Variants in GPRC5C observed in about 807,000 individuals in gnomAD.
GPRC5C encodes G protein-coupled receptor family C group 5 member C.
A neutral mutation model predicts 31.4 loss-of-function variants in GPRC5C; 22 were observed. The ratio of observed to expected loss-of-function variants is 0.70; its 90% confidence interval spans 0.50 to 1.00. The LOEUF is 1.00. Among genes scored for constraint, GPRC5C ranks in the 50% least tolerant of loss-of-function variants. The pLI is 0.00. For synonymous variants in GPRC5C, 249 were observed against 257.5 expected (o/e 0.97, Z 0.32); for missense variants, 557 against 597.2 (o/e 0.93, Z 0.70).
chr17:74,446,826 A>G, intron 3 of GPRC5C, 23 bp from the exon 4 acceptor site: 2 of 1,581,880 alleles, frequency 1.3e-6, no homozygotes, highest in Non-Finnish European at 1.7e-6. Context: ...CCCGACTGTG[A>G]GACCGCCTGT....
chr17:74,438,252 T>TATATATATATATATATATA (rs1250000838), intron 1 of GPRC5C, among the ~76,000 whole-genome samples: 1 of 107,686 alleles, frequency 9.3e-6, no homozygotes, highest in African/African-American at 5.3e-5. Flanking sequence ...TATATATATA[T>TATATATATATATATATATA]TTGTTGTTGT....
intron 1 of GPRC5C, among the ~76,000 whole-genome samples, chr17:74,432,710 G>A (rs1259584750): frequency 1.3e-5 from 2 of 152,020 alleles, no homozygotes; most frequent in East Asian, 1.9e-4. Context: ...GGAGCCCGGC[G>A]CTGCGGCTCG....
intron 1 of GPRC5C, among the ~76,000 whole-genome samples, chr17:74,437,435 A>C (rs1294688299): frequency 6.6e-6 from 1 of 152,326 alleles, no homozygotes; most frequent in East Asian, 1.9e-4. Flanking sequence ...TTAAGAGTTA[A>C]TCTTAAGCAA....
intron 1 of GPRC5C, among the ~76,000 whole-genome samples, chr17:74,436,919 T>C (rs1231206119): frequency 6.6e-6 from 1 of 152,112 alleles, no homozygotes; most frequent in Non-Finnish European, 1.5e-5. Flanking sequence ...CGCCTTCCCT[T>C]TTTTGTTGTT....
chr17:74,439,772 C>T lies in GPRC5C; in HGVS notation c.-5C>T, dbSNP rs2055496153. The T allele has an allele frequency of 1.2e-6, 2 of 1,609,022 alleles. No homozygotes were observed. The highest frequency in any genetic ancestry group is 3.4e-5 in the Admixed American group (2 of 59,654). ...ACCCAACCAGAGCCTGGCCTGGGAG[C>T]CAGGATGGCCATCCACAAAGCCTTG... On this transcript the variant is annotated 5_prime_UTR_variant, in exon 2 of 4. Coordinates refer to ENST00000392627, the MANE Select transcript of GPRC5C (RefSeq NM_022036.4).
intron 1 of GPRC5C, chr17:74,432,438 G>A (rs966615943): frequency 6.2e-6 from 7 of 1,121,660 alleles, no homozygotes; most frequent in Non-Finnish European, 7.6e-6. Context: ...CCCGCGCCGC[G>A]TCCCTCCCAC....
At chr17:74,444,614 G>A (rs1598433226) in intron 3 of GPRC5C, among the ~76,000 whole-genome samples, 1 of 152,248 alleles carries the variant, frequency 6.6e-6, no homozygotes, top group Non-Finnish European at 1.5e-5. Flanking sequence ...CCCCCTCCCC[G>A]CCCTCTCTGT....
Position 74,440,673 on chromosome 17 carries a change from G to A in GPRC5C, c.897G>A (p.Glu299=), listed in dbSNP as rs1344546732. The A allele has an allele frequency of 2.5e-6, 4 of 1,607,914 alleles. No homozygotes were observed. Among genetic ancestry groups the A allele is most frequent in the African/African-American group, 2.7e-5 (2 of 74,852 alleles). ...TCGTCCTCTTCTACGTCATCCCCGA[G>A]GTCTCCCAGGTGACCAAGTCCAGCC... ...WAFVLFYVIP[E]VSQVTKSSPE... Residue 299 remains glutamate (E), a synonymous_variant, in exon 2 of 4, where the codon GAG becomes GAA. Coordinates refer to ENST00000392627, the MANE Select transcript of GPRC5C (RefSeq NM_022036.4). The surrounding 1 kb of genome is among the most constrained non-coding windows in gnomAD (Gnocchi z 4.4).
chr17:74,449,464 C>T, downstream of GPRC5C: 1 of 772,224 alleles, frequency 1.3e-6, no homozygotes, highest in South Asian at 1.5e-5. Context: ...GTCATTGGAG[C>T]TGGGAGGGGC....
chr17:74,436,258 C>G (rs1444638791), intron 1 of GPRC5C, among the ~76,000 whole-genome samples: 1 of 152,182 alleles, frequency 6.6e-6, no homozygotes, highest in Non-Finnish European at 1.5e-5. Flanking sequence ...GGCTTTGATT[C>G]ACACCATCTT....
chr17:74,449,291 G>A (rs1338440799), downstream of GPRC5C: 9 of 1,177,526 alleles, frequency 7.6e-6, no homozygotes, highest in Admixed American at 6.9e-5. Flanking sequence ...TGGGCCCCAC[G>A]CAGTAGAGTC....
At position 74,438,395 on chromosome 17, in the gene GPRC5C, G is replaced by C. The variant is rs930579135; in HGVS notation, c.-32-1350G>C. On this transcript the variant is annotated intron_variant, in intron 1 of 3. Coordinates refer to ENST00000392627, the MANE Select transcript of GPRC5C (RefSeq NM_022036.4). ...CCTGCCTCAGCCTCCTGAATAGCTG[G>C]TATTATAGGCGTGCACCTCCACGCC... Among the ~76,000 whole-genome samples, 9 of 151,690 alleles carry C rather than the reference G, an allele frequency of 5.9e-5. 1 individual carries two copies. The South Asian group carries it at 1.9e-3, about 32-fold the overall frequency.
intron 1 of GPRC5C, among the ~76,000 whole-genome samples, chr17:74,438,122 TC>T (rs1317512946): frequency 6.8e-6 from 1 of 147,510 alleles, no homozygotes; most frequent in African/African-American, 2.5e-5. Flanking sequence ...GCAGCCTCGA[TC>T]CCCTGGGCTC....
At chr17:74,448,956 G>C, downstream of GPRC5C, 1 of 1,202,428 alleles carries the variant, frequency 8.3e-7, no homozygotes, top group Non-Finnish European at 1.1e-6. Context: ...CCATGTGGTT[G>C]AGACAGCAGG....
chr17:74,433,802 T>G, intron 1 of GPRC5C: 1 of 1,386,824 alleles, frequency 7.2e-7, no homozygotes, highest in Non-Finnish European at 1.0e-6. Context: ...TGGAGCTCTC[T>G]TTCCAGTGCG....
In GPRC5C at chr17:74,447,102, C is replaced by T. The variant is rs1210063558; in HGVS notation, c.*74C>T. On this transcript the variant is annotated 3_prime_UTR_variant, in exon 4 of 4. Coordinates refer to ENST00000392627, the MANE Select transcript of GPRC5C (RefSeq NM_022036.4). The stretch of plus-strand genomic sequence containing the variant: ...ACCTGGCCCCGGGCAAGGGACTCTC[C>T]AGGCTCCTCCTCCCCCTGGCAGGCC... 3 of 1,528,706 alleles carry T rather than the reference C, an allele frequency of 2.0e-6. No homozygotes were observed. Among genetic ancestry groups the T allele is most frequent in the Non-Finnish European group, 2.6e-6 (3 of 1,136,100 alleles). The allele number at this position is 1,528,706 out of a possible 1,614,324, so 94.7% of individuals were successfully genotyped here. A position where few individuals can be genotyped will look rare whatever the true frequency, so the allele number is the denominator to read the frequency against.
chr17:74,446,701 T>C (rs1409575639), intron 3 of GPRC5C, 148 bp from the exon 4 acceptor site: 13 of 621,992 alleles, frequency 2.1e-5, no homozygotes, highest in Non-Finnish European at 3.6e-5. Flanking sequence ...AGGCTGCTCC[T>C]GGGGCCCAGC....
intron 1 of GPRC5C, among the ~76,000 whole-genome samples, chr17:74,433,436 G>C (rs542722240): frequency 1.1e-4 from 17 of 152,200 alleles, no homozygotes; most frequent in African/African-American, 3.9e-4. Context: ...GCTGAGGTTC[G>C]AGGAACCCCA....
intron 3 of GPRC5C, chr17:74,446,400 C>G (rs1319117061): frequency 6.6e-6 from 1 of 151,854 alleles, no homozygotes; most frequent in African/African-American, 2.4e-5. Context: ...TGCAGTTGGC[C>G]GAGATCACGC....
Sources: gnomAD v4.1 joint callset for allele counts (sites outside exome capture counted in the v4.1 genomes callset) on GRCh38, gnomAD v4.1.1 for gene constraint, Gnocchi (gnomAD v3.1) non-coding constraint, MANE v1.5 for transcripts, NCBI Gene and HGNC (gene_info 2026-07-23, HGNC 2026-07-21) for gene names.